POMT2: variants seen among roughly 807,000 people sequenced by gnomAD.
The protein encoded by POMT2 is protein O-mannosyl-transferase 2.
POMT2 carries 75 observed loss-of-function variants against 100.0 expected under a neutral mutation model. The observed-to-expected ratio is 0.75, with a 90% CI of 0.62 to 0.91. The LOEUF (loss-of-function observed/expected upper bound fraction) is 0.91. Ranked by LOEUF, POMT2 falls within the 40% of genes least tolerant of loss-of-function variation. POMT2 has a pLI of 0.00. For missense variants in POMT2, 940 were observed against 955.1 expected, an observed-to-expected ratio of 0.98 and a Z score of 0.21; for synonymous variants, 378 against 374.1, an observed-to-expected ratio of 1.01 and a Z score of -0.12.
chr14:77,296,399 G>T, intron 8 of POMT2, 126 bp from the exon 9 acceptor site: 1 of 689,790 alleles, frequency 1.4e-6, no homozygotes, highest in Non-Finnish European at 2.6e-6. Context: ...GCCCTGGACT[G>T]AAGCCCAGCT....
intron 1 of POMT2, among the ~76,000 whole-genome samples, chr14:77,316,991 A>C (rs1339694945): frequency 3.3e-5 from 5 of 152,210 alleles, no homozygotes; most frequent in African/African-American, 4.8e-5. Flanking sequence ...TACTCTCGTA[A>C]GACTGACTGG....
At chr14:77,280,611 G>C (rs1594886110) in intron 15 of POMT2, 148 bp from the exon 16 acceptor site, 1 of 1,495,214 alleles carries the variant, frequency 6.7e-7, no homozygotes, top group East Asian at 2.4e-5. Context: ...TCAGGCAGCT[G>C]CTGTCTGCCT....
chr14:77,276,676 CGCTCCGGAGTCCGCT>C lies in POMT2; in HGVS notation c.*685_*699del, dbSNP rs1889967255. ...GGAACCAAGGGCTAAGGCAGGCTGA[CGCTCCGGAGTCCGCT>C]GCTCTCTGTGCGTCACAGGCAGGAA... On this transcript the variant is annotated 3_prime_UTR_variant, in exon 21 of 21. Coordinates refer to ENST00000261534, the MANE Select transcript of POMT2 (RefSeq NM_013382.7). The C allele has an allele frequency of 6.5e-6, 1 of 152,896 alleles. No homozygotes were observed. The highest frequency in any genetic ancestry group is 2.4e-5 in the African/African-American group (1 of 41,474). The allele number at this position is 152,896 out of a possible 1,614,324, so 9.5% of individuals were successfully genotyped here.
chr14:77,285,984 G>C (rs951524410), intron 12 of POMT2, among the ~76,000 whole-genome samples: 6 of 152,038 alleles, frequency 3.9e-5, no homozygotes, highest in Non-Finnish European at 7.4e-5. Context: ...AACAGATCTG[G>C]GCCATTTGCA....
chr14:77,315,714 T>C (rs1891598564), intron 1 of POMT2, among the ~76,000 whole-genome samples: 1 of 152,162 alleles, frequency 6.6e-6, no homozygotes, highest in Non-Finnish European at 1.5e-5. Context: ...AATCACAGGC[T>C]TAAAAACTTC....
intron 2 of POMT2, among the ~76,000 whole-genome samples, chr14:77,307,483 CAG>C (rs1891265176): frequency 6.6e-6 from 1 of 152,202 alleles, no homozygotes; most frequent in South Asian, 2.1e-4. Context: ...CCCCAGGGTT[CAG>C]ACAGGGTCAT....
intron 9 of POMT2, among the ~76,000 whole-genome samples, chr14:77,293,263 G>A (rs1890705709): frequency 6.6e-6 from 1 of 151,076 alleles, no homozygotes; most frequent in Non-Finnish European, 1.5e-5. Flanking sequence ...CTGTGTAGAT[G>A]TGTGGTAGGA....
At chr14:77,280,269 G>A in intron 16 of POMT2, 123 bp downstream of exon 16, 1 of 1,561,700 alleles carries the variant, frequency 6.4e-7, no homozygotes. Context: ...CCCACCTCTG[G>A]CCAACCCATC....
chr14:77,277,612 T>C, intron 20 of POMT2, 131 bp from the exon 21 acceptor site: 1 of 772,786 alleles, frequency 1.3e-6, no homozygotes. Context: ...TTCACGGCCT[T>C]GTCTGTCTGA....
At position 77,277,478 on chromosome 14, in the gene POMT2, G is replaced by A; in HGVS notation, c.2151C>T (p.Phe717=). The A allele has an allele frequency of 1.2e-6, 2 of 1,610,424 alleles. No individual in the cohort carries two copies. Among genetic ancestry groups the A allele is most frequent in the South Asian group, 1.1e-5 (1 of 91,002 alleles). ...CGTAAGCCAGAGGGTGGAAGAGGTAGAAGCTGTGAGAGAGAACCAGTAGGA... is the reference window on the plus strand; with the variant it reads ...CGTAAGCCAGAGGGTGGAAGAGGTAAAAGCTGTGAGAGAGAACCAGTAGGA... The part of the protein sequence containing the change: ...LSLLLGTAYS[F]YLFHPLAYGM... The change falls in exon 21 of 21, where the codon TTC becomes TTT. Residue 717 remains phenylalanine (F), a synonymous_variant. Transcript: ENST00000261534.
chr14:77,277,435 C>T lies in POMT2; in HGVS notation c.2194G>A (p.Ala732Thr), dbSNP rs1208439762. 6.2e-7 allele frequency: 1 copy of T among 1,614,088 alleles called. No homozygotes were observed. ...PLAYGMVGPLAQDPQSPMAGL... is the reference protein window; with the variant it reads ...PLAYGMVGPLTQDPQSPMAGL... The stretch of plus-strand genomic sequence containing the variant: ...GCCATTGGACTTTGGGGGTCCTGGG[C>T]CAGGGGACCAACCATCCCGTAAGCC... The change falls in exon 21 of 21, where the codon GCC (alanine) becomes ACC (threonine). Residue 732 changes from alanine to threonine, a missense_variant. Ala to Thr is a moderately conservative substitution (Grantham distance 58). Transcript: ENST00000261534.
chr14:77,300,955 TG>T (rs1294990832), intron 6 of POMT2, 134 bp downstream of exon 6: 11 of 1,564,314 alleles, frequency 7.0e-6, no homozygotes, highest in East Asian at 4.5e-5. Flanking sequence ...CTGCGGAGGT[TG>T]GGGGGTCCAG....
rs756802962 is a variant in POMT2 at position 77,311,961 on chromosome 14, C to T, written c.321G>A (p.Pro107=). The T allele has an allele frequency of 1.1e-5, 17 of 1,613,944 alleles. No homozygotes were observed. Among genetic ancestry groups the T allele is most frequent in the Non-Finnish European group, 1.4e-5 (17 of 1,179,926 alleles). ...CCACACTGCTCACCTTTCCCAGGGG[C>T]GGGTGCACATCAAAGAAAAATGTAC... ...INRTFFFDVH[P]PLGKMLIGLA... The change falls in exon 2 of 21, where the codon CCG becomes CCA. Residue 107 remains proline, a synonymous_variant. Coordinates refer to ENST00000261534, the MANE Select transcript of POMT2 (RefSeq NM_013382.7).
In POMT2 at chr14:77,291,315, T is replaced by C. The variant is rs1396478306; in HGVS notation, c.1182A>G (p.Ser394=). Residue 394 remains serine (S), a splice_region_variant and synonymous_variant, in exon 10 of 21, where the codon TCA becomes TCG. Transcript: ENST00000261534. The stretch of plus-strand genomic sequence containing the variant: ...AGCATCAGTCTCTGACCACATTACC[T>C]GAGTTTGTGTTATGTTTCTTGATAA... ...LWIIKKHNTN[S]DPLDPSFPVE... The C allele has an allele frequency of 6.2e-7, 1 of 1,607,116 alleles. No individual in the cohort carries two copies. The highest frequency in any genetic ancestry group is 1.1e-5 in the South Asian group (1 of 90,842).
intron 1 of POMT2, 95 bp from the exon 2 acceptor site, chr14:77,312,128 T>G (rs1891458355): frequency 6.6e-7 from 1 of 1,512,338 alleles, no homozygotes; most frequent in African/African-American, 1.4e-5. Context: ...AGGCTATGCA[T>G]TTCAAACAAT....
Position 77,285,010 on chromosome 14 carries a change from G to A in POMT2, c.1516C>T (p.Pro506Ser). The A allele has an allele frequency of 6.2e-7, 1 of 1,613,480 alleles. No individual in the cohort carries two copies. The highest frequency in any genetic ancestry group is 8.5e-7 in the Non-Finnish European group (1 of 1,179,456). ...GAGTTGAGGGTTTCTTTCAGGTATG[G>A]GGTGCAAGTAACTTCCAACTGCTCC... The part of the protein sequence containing the change: ...GWEQLEVTCT[P>S]YLKETLNSIW... Residue 506 changes from proline to serine, a missense_variant, in exon 14 of 21, where the codon CCA becomes TCA. Transcript: ENST00000261534.
Position 77,302,837 on chromosome 14 carries a change from G to A in POMT2, c.654C>T (p.Asp218=). Residue 218 remains aspartate (D), a splice_region_variant and synonymous_variant, in exon 5 of 21, where the codon GAC becomes GAT. Transcript: ENST00000261534. The stretch of plus-strand genomic sequence containing the variant: ...CTCCCGGGGATGGAGTTTCTGACCT[G>A]TCGGCGCAAGAGTTGTACTTGACCA... ...LSMVKYNSCA[D]RPFSAPWWFW... 6.2e-7 allele frequency: 1 copy of A among 1,609,908 alleles called. No homozygotes were observed. The highest frequency in any genetic ancestry group is 1.7e-5 in the Admixed American group (1 of 59,998).
intron 9 of POMT2, among the ~76,000 whole-genome samples, chr14:77,292,348 T>TG (rs1322976347): frequency 6.6e-6 from 1 of 152,258 alleles, no homozygotes; most frequent in Non-Finnish European, 1.5e-5. Context: ...TACCAGGCAC[T>TG]GTTCTAAGCA....
At chr14:77,296,081 T>C in intron 9 of POMT2, 83 bp downstream of exon 9, 3 of 1,109,340 alleles carry the variant, frequency 2.7e-6, no homozygotes, top group Non-Finnish European at 2.7e-6. Context: ...GCGAACAGGA[T>C]GAGCAAAGGA....
Sources: allele counts gnomAD v4.1 joint callset (sites outside exome capture counted in the v4.1 genomes callset), GRCh38; gene constraint gnomAD v4.1.1; transcripts MANE v1.5; gene names NCBI Gene and HGNC (gene_info 2026-07-23, HGNC 2026-07-21).